Variants in SMURF1 observed in about 807,000 individuals in gnomAD.
SMURF1 encodes the protein SMAD specific E3 ubiquitin protein ligase 1.
In SMURF1, 44 loss-of-function variants were observed where a neutral mutation model predicts 98.0. That is an observed-to-expected ratio of 0.45 (90% CI 0.35 to 0.58). The LOEUF is 0.58. SMURF1 is among the 20% of genes least tolerant of loss of function. The pLI is 0.00. For synonymous variants in SMURF1, 396 were observed against 374.9 expected (o/e 1.06, Z -0.65); for missense variants, 687 against 938.4 (o/e 0.73, Z 3.50).
chr7:99,061,753 T>C, intron 2 of SMURF1, 46 bp downstream of exon 2: 1 of 1,438,424 alleles, frequency 7.0e-7, no homozygotes, highest in Non-Finnish European at 9.5e-7. Context: ...ATTTCAGAAA[T>C]ACATGCATAA....
At chr7:99,123,107 AT>A (rs11402676) in intron 1 of SMURF1, among the ~76,000 whole-genome samples, 1 of 149,344 alleles carries the variant, frequency 6.7e-6, no homozygotes, top group African/African-American at 2.5e-5. Flanking sequence ...ACTTTTATTT[AT>A]TTTTTTTTTA....
At chr7:99,054,924 C>T (rs1230675906) in intron 5 of SMURF1, 59 bp from the exon 6 acceptor site, 6 of 1,450,464 alleles carry the variant, frequency 4.1e-6, no homozygotes, top group Non-Finnish European at 5.8e-6. Context: ...AATTATAATA[C>T]AGTGAGTCAT....
intron 1 of SMURF1, among the ~76,000 whole-genome samples, chr7:99,128,071 C>T (rs1797785141): frequency 6.6e-6 from 1 of 152,004 alleles, no homozygotes; most frequent in Non-Finnish European, 1.5e-5. Flanking sequence ...TAAATAAACC[C>T]TCTGGGGTTT....
rs1382511297 is a variant in SMURF1, at chr7:99,038,489, G to A, written c.1587C>T (p.Phe529=). The change falls in exon 14 of 18, where the codon TTC becomes TTT. Residue 529 remains phenylalanine (F), a synonymous_variant. Transcript: ENST00000361368. ...GCCCGAAGGCGTTGTGTTCCACGCAGAAGGTGTGGTCCAGTACAGGCGTGA... is the reference window on the plus strand; with the variant it reads ...GCCCGAAGGCGTTGTGTTCCACGCAAAAGGTGTGGTCCAGTACAGGCGTGA... ...NDITPVLDHT[F]CVEHNAFGRI... 1 of 1,614,268 alleles carries A rather than the reference G, an allele frequency of 6.2e-7. No individual in the cohort carries two copies. Among genetic ancestry groups the A allele is most frequent in the Non-Finnish European group, 8.5e-7 (1 of 1,180,044 alleles).
At chr7:99,065,080 C>G (rs934312619) in intron 1 of SMURF1, among the ~76,000 whole-genome samples, 1 of 151,526 alleles carries the variant, frequency 6.6e-6, no homozygotes, top group Non-Finnish European at 1.5e-5. Context: ...TTTTTTGATG[C>G]CTTTAAGTGA....
chr7:99,097,646 C>T (rs2150585641), intron 1 of SMURF1, among the ~76,000 whole-genome samples: 1 of 152,286 alleles, frequency 6.6e-6, no homozygotes, highest in African/African-American at 2.4e-5. Flanking sequence ...AAATAAACTT[C>T]TTTTATTTAT....
intron 17 of SMURF1, among the ~76,000 whole-genome samples, chr7:99,032,052 A>G (rs1794914378): frequency 6.6e-6 from 1 of 152,260 alleles, no homozygotes; most frequent in Non-Finnish European, 1.5e-5. Flanking sequence ...TTCCAAGAAG[A>G]TGGGGACCCA....
chr7:99,117,500 C>T (rs1797485820), intron 1 of SMURF1, among the ~76,000 whole-genome samples: 1 of 151,816 alleles, frequency 6.6e-6, no homozygotes, highest in South Asian at 2.1e-4. Flanking sequence ...AGGCGCCCAC[C>T]ACCACACTTG....
At chr7:99,044,415 C>CATAATA (rs1229977629) in intron 11 of SMURF1, among the ~76,000 whole-genome samples, 2 of 152,200 alleles carry the variant, frequency 1.3e-5, no homozygotes, top group African/African-American at 4.8e-5. Flanking sequence ...TATTTTCATT[C>CATAATA]ATAATAATGT....
At chr7:99,051,608 C>T (rs182498939) in intron 7 of SMURF1, among the ~76,000 whole-genome samples, 167 bp from the exon 8 acceptor site, 20 of 152,268 alleles carry the variant, frequency 1.3e-4, no homozygotes, top group Non-Finnish European at 2.5e-4. Context: ...TTCTCCATCT[C>T]GCCCCATGCT....
intron 11 of SMURF1, among the ~76,000 whole-genome samples, chr7:99,044,893 T>C (rs916488186): frequency 5.4e-4 from 83 of 152,320 alleles, no homozygotes; most frequent in African/African-American, 2.0e-3. Flanking sequence ...CTCAGCACTT[T>C]GGGAGGCCAA....
In SMURF1 at chr7:99,030,628, G is replaced by A. The variant is rs1470006162; in HGVS notation, c.2152C>T (p.Leu718=). 1.9e-6 allele frequency: 3 copies of A among 1,614,186 alleles called. No homozygotes were observed. Among genetic ancestry groups the A allele is most frequent in the Non-Finnish European group, 2.5e-6 (3 of 1,180,038 alleles). The change falls in exon 18 of 18, where the codon CTG becomes TTG. Residue 718 remains leucine, a synonymous_variant. Coordinates refer to ENST00000361368, the MANE Select transcript of SMURF1 (RefSeq NM_181349.3). ...YESYEKLYEK[L]LTAVEETCGF... is the part of the protein sequence containing the mutation. ...CAGGTCTCCTCCACGGCTGTCAGCA[G>A]CTTCTCGTAGAGCTTCTCATAGGAC...
chr7:99,043,015 T>TC (rs1795445819), intron 11 of SMURF1, among the ~76,000 whole-genome samples: 1 of 152,228 alleles, frequency 6.6e-6, no homozygotes. Context: ...CTATAAAGTC[T>TC]CTTTTTACTA....
intron 1 of SMURF1, 123 bp downstream of exon 1, chr7:99,143,603 G>A (rs1002281608): frequency 1.3e-6 from 1 of 764,070 alleles, no homozygotes; most frequent in Non-Finnish European, 1.9e-6. Context: ...ACGCCGAAGG[G>A]GGTGACGAGG....
intron 1 of SMURF1, among the ~76,000 whole-genome samples, chr7:99,099,605 G>C (rs938505605): frequency 1.3e-5 from 2 of 152,104 alleles, no homozygotes; most frequent in Non-Finnish European, 2.9e-5. Context: ...CTGTGGCAGC[G>C]GTGGGAGGTG....
chr7:99,110,750 G>A (rs1797300091), intron 1 of SMURF1, among the ~76,000 whole-genome samples: 1 of 152,208 alleles, frequency 6.6e-6, no homozygotes, highest in African/African-American at 2.4e-5. Flanking sequence ...ACTGGCACAT[G>A]TAAAGAAATG....
At chr7:99,094,996 C>A (rs1022588024) in intron 1 of SMURF1, among the ~76,000 whole-genome samples, 1 of 152,192 alleles carries the variant, frequency 6.6e-6, no homozygotes, top group Non-Finnish European at 1.5e-5. Flanking sequence ...CTTCTGTGTG[C>A]ACTGTCTCAA....
chr7:99,059,248 A>G (rs1795960870), intron 3 of SMURF1, among the ~76,000 whole-genome samples: 1 of 149,710 alleles, frequency 6.7e-6, no homozygotes, highest in African/African-American at 2.4e-5. Flanking sequence ...AACTACAAAA[A>G]ATAGCCGGGC....
chr7:99,104,808 C>A (rs1797160133), intron 1 of SMURF1, among the ~76,000 whole-genome samples: 1 of 152,178 alleles, frequency 6.6e-6, no homozygotes, highest in Non-Finnish European at 1.5e-5. Context: ...GGGGATCCCA[C>A]ATTACAGTGG....
Sources: gnomAD v4.1 joint callset for allele counts (sites outside exome capture counted in the v4.1 genomes callset) on GRCh38, gnomAD v4.1.1 for gene constraint, MANE v1.5 for transcripts, NCBI Gene and HGNC (gene_info 2026-07-23, HGNC 2026-07-21) for gene names.